LRP2: variants seen among roughly 807,000 people sequenced by gnomAD.
LRP2 encodes the protein LDL receptor related protein 2.
In LRP2, 172 loss-of-function variants were observed where a neutral mutation model predicts 531.0. The observed-to-expected ratio is 0.32, with a 90% CI of 0.29 to 0.37. LRP2 has a LOEUF of 0.37. Ranked by LOEUF, LRP2 falls within the 10% of genes least tolerant of loss-of-function variation. LRP2 has a pLI of 1.00. For synonymous variants in LRP2, 1,992 were observed against 2,027.6 expected (o/e 0.98, Z 0.47); for missense variants, 5,167 against 5,868.3 (o/e 0.88, Z 3.90).
At chr2:169,137,250 C>A (rs1685546706) in intron 76 of LRP2, 142 bp downstream of exon 76, 4 of 728,600 alleles carry the variant, frequency 5.5e-6, no homozygotes, top group Non-Finnish European at 1.0e-5. Context: ...CCTGTTCCTG[C>A]AGATAGGGCA....
At chr2:169,312,547 T>G (rs991063874) in intron 3 of LRP2, among the ~76,000 whole-genome samples, 32 of 152,378 alleles carry the variant, frequency 2.1e-4, no homozygotes, top group African/African-American at 6.7e-4. Context: ...CTCTTCTGGC[T>G]TGTGGAGTTT....
intron 23 of LRP2, among the ~76,000 whole-genome samples, 163 bp downstream of exon 23, chr2:169,243,240 A>T (rs1689875500): frequency 6.6e-6 from 1 of 152,092 alleles, no homozygotes; most frequent in Admixed American, 6.6e-5. Flanking sequence ...GCACCCATCA[A>T]CCCATCATCT....
At chr2:169,289,924 T>C (rs1187993823) in intron 8 of LRP2, among the ~76,000 whole-genome samples, 1 of 152,228 alleles carries the variant, frequency 6.6e-6, no homozygotes, top group Non-Finnish European at 1.5e-5. Context: ...TGTTTAAATA[T>C]TATGTACAAT....
At chr2:169,284,263 T>C (rs1260421446) in intron 9 of LRP2, among the ~76,000 whole-genome samples, 35 of 124,126 alleles carry the variant, frequency 2.8e-4, no homozygotes, top group East Asian at 9.3e-4. Context: ...TTTCTTTTTT[T>C]TTTTTTTTTT....
intron 14 of LRP2, 69 bp downstream of exon 14, chr2:169,274,967 T>C (rs975033385): frequency 2.7e-6 from 4 of 1,490,282 alleles, no homozygotes; most frequent in East Asian, 4.5e-5. Context: ...TTATTAACTT[T>C]CAAAGCTTTG....
chr2:169,248,778 G>C (rs1345588140), intron 19 of LRP2, among the ~76,000 whole-genome samples: 1 of 130,928 alleles, frequency 7.6e-6, no homozygotes, highest in Non-Finnish European at 1.6e-5. Context: ...GTGTGTGTGC[G>C]CACCGTGCGC....
intron 1 of LRP2, among the ~76,000 whole-genome samples, chr2:169,327,188 G>C (rs1308886124): frequency 2.2e-5 from 3 of 138,540 alleles, no homozygotes; most frequent in Non-Finnish European, 3.1e-5. Flanking sequence ...GAGGTGGGGG[G>C]GTCAGCCCCC....
rs1160980155 is a variant in LRP2, at chr2:169,127,266, C to T, written c.*1397G>A. Reference sequence around the variant, plus strand: ...AGTAGTATATGTTTCATTCATTCATCCATCCATCCATCCATCCATTCATTC... The same window carrying T: ...AGTAGTATATGTTTCATTCATTCATTCATCCATCCATCCATCCATTCATTC... On this transcript the variant is annotated 3_prime_UTR_variant, in exon 79 of 79. Transcript: ENST00000649046. The T allele has an allele frequency of 1.3e-5, 2 of 152,400 alleles. No homozygotes were observed. Among genetic ancestry groups the T allele is most frequent in the South Asian group, 2.1e-4 (1 of 4,836 alleles). 9.4% of individuals were successfully genotyped at this position (152,400 alleles called of 1,614,324 possible). A position where few individuals can be genotyped will look rare whatever the true frequency, so the allele number is the denominator to read the frequency against.
At position 169,162,535 on chromosome 2, in the gene LRP2, G is replaced by T; in HGVS notation, c.11824C>A (p.Pro3942Thr). 6.2e-7 allele frequency: 1 copy of T among 1,614,040 alleles called. No homozygotes were observed. ...GCATCATCACACACATTGTCATGTG[G>T]AATGCAATGCCCATTGCCACACTTA... ...EYKCGNGHCI[P>T]HDNVCDDADD... The change falls in exon 63 of 79, where the codon CCA (proline) becomes ACA (threonine). Residue 3942 changes from proline (P) to threonine (T), a missense_variant. Physicochemically the swap from Pro to Thr is conservative, Grantham distance 38 (BLOSUM62 -1). Transcript: ENST00000649046.
chr2:169,206,743 A>C lies in LRP2; in HGVS notation c.6977T>G (p.Val2326Gly). 1 of 1,614,122 alleles carries C rather than the reference A, an allele frequency of 6.2e-7. No homozygotes were observed. The highest frequency in any genetic ancestry group is 8.5e-7 in the Non-Finnish European group (1 of 1,180,010). ...CTGGACTTGCTTGTCAAAGATGGTC[A>C]CATCTCTTAGCCAGTTGATATTGTC... ...IRDNINWLRD[V>G]TIFDKQVQPR... The change falls in exon 39 of 79, where the codon GTG becomes GGG. Residue 2326 changes from valine (V) to glycine (G), a missense_variant. This residue lies in a region of LRP2 where 2,811 missense variants were observed against 3,058.0 expected (regional missense o/e 0.92). Transcript: ENST00000649046.
chr2:169,241,093 T>C lies in LRP2; in HGVS notation c.3940A>G (p.Ser1314Gly), dbSNP rs759873903. The change falls in exon 25 of 79, where the codon AGT (serine) becomes GGT (glycine). Residue 1314 changes from serine to glycine, a missense_variant. Physicochemically the swap from Ser to Gly is moderately conservative, Grantham distance 56 (BLOSUM62 0). Around this residue, in one of 6 missense-constraint regions of LRP2, gnomAD observed 2,811 missense variants for 3,058.0 expected, o/e 0.92. Coordinates refer to ENST00000649046, the MANE Select transcript of LRP2 (RefSeq NM_004525.3). ...TGGCCAAGACACTGCCATTGCCAAC[T>C]AGGACAGCGAAAGGGCTGAGTAGGG... ...DCPTQPFRCPSWQWQCLGHNI... is the reference protein window; with the variant it reads ...DCPTQPFRCPGWQWQCLGHNI... 8 of 1,614,002 alleles carry C rather than the reference T, an allele frequency of 5.0e-6. No homozygotes were observed. The highest frequency in any genetic ancestry group is 6.8e-6 in the Non-Finnish European group (8 of 1,179,902).
At position 169,135,876 on chromosome 2, in the gene LRP2, A is replaced by C. The variant is rs184148843; in HGVS notation, c.13620+1516T>G. On this transcript the variant is annotated intron_variant, in intron 76 of 78. Coordinates refer to ENST00000649046, the MANE Select transcript of LRP2 (RefSeq NM_004525.3). ...TATTCACCGTTCTCAACTACTCATA[A>C]ATGCCCTGCTCTTGTTTATACCACC... Among the ~76,000 whole-genome samples the C allele has an allele frequency of 1.2e-3, 184 of 152,036 alleles. 1 individual carries two copies. The highest frequency in any genetic ancestry group is 4.3e-3 in the African/African-American group (180 of 41,460).
At chr2:169,305,059 A>G (rs1684380358) in intron 4 of LRP2, among the ~76,000 whole-genome samples, 1 of 152,164 alleles carries the variant, frequency 6.6e-6, no homozygotes, top group Admixed American at 6.6e-5. Context: ...CATGTATCCC[A>G]GAACTTAAAG....
Position 169,145,765 on chromosome 2 carries a change from G to C in LRP2, c.12970C>G (p.Leu4324Val). 6.2e-7 allele frequency: 1 copy of C among 1,614,140 alleles called. No homozygotes were observed. Among genetic ancestry groups the C allele is most frequent in the Non-Finnish European group, 8.5e-7 (1 of 1,180,012 alleles). ...WLTQVRIFHQ[L>V]RYNKSVPNLC... ...TGATTACCTGACTTATTGTATCTGA[G>C]TTGATGAAAGATTCGAACTTGAGTG... Residue 4324 changes from leucine (L) to valine (V), a missense_variant, in exon 70 of 79, where the codon CTC becomes GTC. This residue lies in a region of LRP2 where 564 missense variants were observed against 747.7 expected (regional missense o/e 0.75). Coordinates refer to ENST00000649046, the MANE Select transcript of LRP2 (RefSeq NM_004525.3).
chr2:169,201,936 A>G, intron 43 of LRP2, 66 bp from the exon 44 acceptor site: 1 of 1,585,288 alleles, frequency 6.3e-7, no homozygotes, highest in Non-Finnish European at 8.6e-7. Context: ...TTTTAAAAAG[A>G]TACAATTAAA....
intron 43 of LRP2, 76 bp downstream of exon 43, chr2:169,202,680 T>A: frequency 2.1e-6 from 3 of 1,439,222 alleles, no homozygotes; most frequent in Non-Finnish European, 2.9e-6. Flanking sequence ...CATTCACACA[T>A]AGCAGGATTC....
At chr2:169,266,218 G>A (rs977754209) in intron 16 of LRP2, among the ~76,000 whole-genome samples, 1 of 151,884 alleles carries the variant, frequency 6.6e-6, no homozygotes, top group Admixed American at 6.6e-5. Context: ...GAAGAATGAT[G>A]TAAGAAAGCA....
chr2:169,351,363 G>A (rs1015233663), intron 1 of LRP2, among the ~76,000 whole-genome samples: 2 of 152,168 alleles, frequency 1.3e-5, no homozygotes, highest in South Asian at 2.1e-4. Context: ...AAAATAGAGT[G>A]ATAGTTAGAA....
Position 169,318,664 on chromosome 2 carries a change from A to C in LRP2, c.310+98T>G, listed in dbSNP as rs1684831366. On this transcript the variant is annotated intron_variant, in intron 3 of 78. Transcript: ENST00000649046. ...CTTATGATTTAAGGCCCTGCTCCACATTTATAAAGAATCATCCCATTGTGT... is the reference window on the plus strand; with the variant it reads ...CTTATGATTTAAGGCCCTGCTCCACCTTTATAAAGAATCATCCCATTGTGT... 17 of 1,557,066 alleles carry C rather than the reference A, an allele frequency of 1.1e-5. No homozygotes were observed. The South Asian group carries it at 1.9e-4, about 17-fold the overall frequency.
Sources: gnomAD v4.1 joint callset for allele counts (sites outside exome capture counted in the v4.1 genomes callset) on GRCh38, gnomAD v4.1.1 for gene constraint, gnomAD v4.1.1 regional missense constraint, MANE v1.5 for transcripts, NCBI Gene and HGNC (gene_info 2026-07-23, HGNC 2026-07-21) for gene names.